Variants in COL25A1 observed in about 807,000 individuals in gnomAD.
The protein encoded by COL25A1 is collagen type XXV alpha 1 chain.
COL25A1 carries 103 observed loss-of-function variants against 128.4 expected under a neutral mutation model. The observed-to-expected ratio is 0.80, with a 90% confidence interval of 0.68 to 0.94. The LOEUF (loss-of-function observed/expected upper bound fraction) is 0.94. Ranked by LOEUF, COL25A1 falls within the 40% of genes least tolerant of loss-of-function variation. COL25A1 has a pLI of 0.00. For missense variants in COL25A1, 745 were observed against 840.0 expected, an observed-to-expected ratio of 0.89 and a Z score of 1.40; for synonymous variants, 279 against 277.2, an observed-to-expected ratio of 1.01 and a Z score of -0.06.
At chr4:109,123,776 G>A (rs1768331859) in intron 3 of COL25A1, among the ~76,000 whole-genome samples, 1 of 152,160 alleles carries the variant, frequency 6.6e-6, no homozygotes, top group East Asian at 1.9e-4. Context: ...GTCAGATGTT[G>A]CTGTTGGACA....
chr4:109,058,963 G>T (rs1761695157), intron 3 of COL25A1, among the ~76,000 whole-genome samples: 1 of 152,174 alleles, frequency 6.6e-6, no homozygotes, highest in Non-Finnish European at 1.5e-5. Context: ...CAGAGAGAGA[G>T]GGTAACGCAG....
At chr4:109,045,941 A>G (rs1023648486) in intron 5 of COL25A1, among the ~76,000 whole-genome samples, 2 of 152,138 alleles carry the variant, frequency 1.3e-5, no homozygotes, top group Non-Finnish European at 2.9e-5. Context: ...ATTTTATGTG[A>G]TTATTTTAAT....
intron 5 of COL25A1, among the ~76,000 whole-genome samples, chr4:109,011,121 A>G (rs972282610): frequency 6.6e-6 from 1 of 152,246 alleles, no homozygotes; most frequent in Non-Finnish European, 1.5e-5. Context: ...GAATAAAAGT[A>G]TGGATTTCAT....
intron 3 of COL25A1, among the ~76,000 whole-genome samples, chr4:109,159,596 G>C (rs1261198239): frequency 6.6e-6 from 1 of 152,104 alleles, no homozygotes; most frequent in African/African-American, 2.4e-5. Flanking sequence ...ATAGTACGAA[G>C]CATGGTTCAC....
At chr4:109,202,298 G>A (rs1007590244) in intron 3 of COL25A1, among the ~76,000 whole-genome samples, 5 of 151,974 alleles carry the variant, frequency 3.3e-5, no homozygotes, top group South Asian at 2.1e-4. Flanking sequence ...GCCTAGAAAC[G>A]GGCCCACACA....
chr4:108,917,636 T>C (rs557035409), intron 13 of COL25A1, among the ~76,000 whole-genome samples: 7 of 152,350 alleles, frequency 4.6e-5, no homozygotes, highest in African/African-American at 1.7e-4. Flanking sequence ...TTCACTTTAC[T>C]TTTTCCTCTC....
At chr4:108,827,220 C>T in intron 32 of COL25A1, 32 bp from the exon 33 acceptor site, 4 of 1,572,758 alleles carry the variant, frequency 2.5e-6, no homozygotes, top group Non-Finnish European at 3.5e-6. Flanking sequence ...TCAAATCATA[C>T]ACACCCACCT....
intron 27 of COL25A1, among the ~76,000 whole-genome samples, chr4:108,847,720 C>A (rs1461891425): frequency 6.6e-6 from 1 of 152,060 alleles, no homozygotes; most frequent in African/African-American, 2.4e-5. Context: ...TCTAAGTGAT[C>A]TATGATATAG....
At chr4:109,290,039 C>T (rs1208459036) in intron 3 of COL25A1, among the ~76,000 whole-genome samples, 1 of 151,954 alleles carries the variant, frequency 6.6e-6, no homozygotes, top group East Asian at 1.9e-4. Flanking sequence ...ATGTATGATA[C>T]ATATATACAG....
chr4:109,022,171 C>T (rs777988735), intron 5 of COL25A1: 21 of 453,492 alleles, frequency 4.6e-5, no homozygotes, highest in African/African-American at 1.0e-4. Context: ...ACGGACCTGC[C>T]GATATGTGAT....
intron 5 of COL25A1, among the ~76,000 whole-genome samples, chr4:109,015,121 G>C (rs7682594): frequency 0.18 from 26,763 of 152,252 alleles, 3,410 homozygotes; most frequent in East Asian, 0.45. Context: ...GAGAGCAGGA[G>C]AGTGTCTCAG....
At chr4:108,943,563 ACT>A (rs1748386428) in intron 8 of COL25A1, among the ~76,000 whole-genome samples, 1 of 152,156 alleles carries the variant, frequency 6.6e-6, no homozygotes, top group Non-Finnish European at 1.5e-5. Flanking sequence ...TTATGGTCAC[ACT>A]CTGCAGTAAT....
chr4:109,252,257 G>A (rs1327070131), intron 3 of COL25A1, among the ~76,000 whole-genome samples: 2 of 152,212 alleles, frequency 1.3e-5, no homozygotes, highest in South Asian at 2.1e-4. Context: ...CAGGTAGCTG[G>A]CTGATCACCC....
chr4:109,109,993 C>T lies in COL25A1; in HGVS notation c.368-59814G>A, dbSNP rs567784127. On this transcript the variant is annotated intron_variant, in intron 3 of 37. Transcript: ENST00000399132. ...ACTGAAGTGTGGCCATTCCTTCACA[C>T]GTTTCTTTTCTCACAAAAATACAAA... Among the ~76,000 whole-genome samples the T allele has an allele frequency of 9.9e-5, 15 of 152,182 alleles. 1 individual carries two copies. The highest frequency in any genetic ancestry group is 9.7e-4 in the East Asian group (5 of 5,176).
chr4:109,035,328 A>T (rs1759236794), intron 5 of COL25A1, among the ~76,000 whole-genome samples: 1 of 152,228 alleles, frequency 6.6e-6, no homozygotes, highest in Non-Finnish European at 1.5e-5. Flanking sequence ...ACAAAATAAT[A>T]AGTGTATTAT....
chr4:108,874,782 T>G (rs1371465897), intron 19 of COL25A1, among the ~76,000 whole-genome samples: 1 of 152,192 alleles, frequency 6.6e-6, no homozygotes, highest in African/African-American at 2.4e-5. Context: ...GACAAAGACT[T>G]AAACCTCTGG....
At chr4:108,837,541 G>A (rs538860290) in intron 31 of COL25A1, among the ~76,000 whole-genome samples, 4 of 152,110 alleles carry the variant, frequency 2.6e-5, no homozygotes, top group Admixed American at 1.3e-4. Flanking sequence ...TCTTTTATAC[G>A]ACTCACTATT....
intron 3 of COL25A1, among the ~76,000 whole-genome samples, chr4:109,154,411 C>T (rs1415853831): frequency 6.6e-6 from 1 of 152,190 alleles, no homozygotes; most frequent in Non-Finnish European, 1.5e-5. Flanking sequence ...GTCTTAAAAT[C>T]TCTCTTTCTC....
At chr4:108,912,843 C>T (rs961058011) in intron 13 of COL25A1, among the ~76,000 whole-genome samples, 1 of 152,034 alleles carries the variant, frequency 6.6e-6, no homozygotes, top group African/African-American at 2.4e-5. Context: ...AGATTAATGT[C>T]AGTGAAGAAC....
Sources: allele counts gnomAD v4.1 joint callset (sites outside exome capture counted in the v4.1 genomes callset), GRCh38; gene constraint gnomAD v4.1.1; transcripts MANE v1.5; gene names NCBI Gene and HGNC (gene_info 2026-07-23, HGNC 2026-07-21).